The following RHBDF1 variants were observed in gnomAD, a reference collection of about 807,000 sequenced individuals.
RHBDF1 encodes the protein inactive rhomboid protein 1.
RHBDF1 carries 80 observed loss-of-function variants against 98.6 expected under a neutral mutation model. The ratio of observed to expected loss-of-function variants is 0.81; its 90% CI spans 0.68 to 0.98. The LOEUF (loss-of-function observed/expected upper bound fraction) is 0.98. RHBDF1 is among the 50% of genes least tolerant of loss of function. The probability of loss-of-function intolerance (pLI) is 0.00; values close to 1 mark genes in which losing one functional copy is unlikely to be tolerated. For missense variants in RHBDF1, 1,116 were observed against 1,198.3 expected (o/e 0.93, Z 1.01); for synonymous variants, 512 against 486.8 (o/e 1.05, Z -0.68).
Position 58,728 on chromosome 16 carries a change from AG to A in RHBDF1, c.2179del (p.Leu727TrpfsTer200). 3 of 1,612,776 alleles carry A rather than the reference AG, an allele frequency of 1.9e-6. No individual in the cohort carries two copies. Among genetic ancestry groups the A allele is most frequent in the Non-Finnish European group, 2.5e-6 (3 of 1,179,810 alleles). On this transcript the variant is annotated frameshift_variant, in exon 18 of 18. Coordinates refer to ENST00000262316, the MANE Select transcript of RHBDF1 (RefSeq NM_022450.5). LOFTEE classifies it high-confidence loss of function. Reference protein sequence around the residue: ...VGPAGSQFGILACLFVELFQS... With the variant: ...VGPAGSQFGIXACLFVELFQS... ...GAAGAGCTCCACGAAGAGGCAGGCC[AG>A]GATGCCGAACTGGGAGCCAGCAGGA...
chr16:71,897 C>T (rs1897979662), intron 1 of RHBDF1, among the ~76,000 whole-genome samples: 1 of 152,348 alleles, frequency 6.6e-6, no homozygotes, highest in African/African-American at 2.4e-5. Flanking sequence ...GAGAGTCTGT[C>T]TTCGGGAGTC....
intron 1 of RHBDF1, among the ~76,000 whole-genome samples, chr16:71,551 T>C (rs915748537): frequency 1.3e-5 from 2 of 152,178 alleles, no homozygotes; most frequent in Admixed American, 1.3e-4. Context: ...CATCCTTGAA[T>C]CTTCTCCCGG....
chr16:72,148 C>T (rs1897987743), intron 1 of RHBDF1, among the ~76,000 whole-genome samples: 3 of 152,230 alleles, frequency 2.0e-5, no homozygotes, highest in Admixed American at 2.0e-4. Context: ...GGGGCACCCC[C>T]GGACTCTAGA....
chr16:59,228 C>A lies in RHBDF1; in HGVS notation c.1994+21G>T, dbSNP rs574481851. ...TCCTGAGGGCCCTGAGACCCCCGAC[C>A]CGGCCCACAGTGTCACTTGCCCGGC... On this transcript the variant is annotated intron_variant, in intron 16 of 17. Coordinates refer to ENST00000262316, the MANE Select transcript of RHBDF1 (RefSeq NM_022450.5). 1.9e-6 allele frequency: 3 copies of A among 1,591,802 alleles called. No homozygotes were observed. In the African/African-American group the frequency reaches 4.0e-5, roughly 21 times the overall value.
upstream of RHBDF1, among the ~76,000 whole-genome samples, chr16:75,892 GAA>G (rs978075456): frequency 3.3e-5 from 5 of 152,190 alleles, no homozygotes; most frequent in African/African-American, 1.2e-4. Context: ...CCATCAGAGA[GAA>G]GACGGAGCCA....
At chr16:74,395 G>A (rs1008365013), upstream of RHBDF1, among the ~76,000 whole-genome samples, 6 of 152,186 alleles carry the variant, frequency 3.9e-5, no homozygotes, top group African/African-American at 1.2e-4. Context: ...CTCCTGCAGT[G>A]GACTCTGTCA....
At chr16:64,536 C>A in intron 3 of RHBDF1, 163 bp downstream of exon 3, 1 of 1,549,146 alleles carries the variant, frequency 6.5e-7, no homozygotes, top group African/African-American at 1.4e-5. Context: ...TGAGAGCGGT[C>A]AGTATCCAGA....
intron 3 of RHBDF1, 83 bp downstream of exon 3, chr16:64,616 C>T: frequency 6.5e-7 from 1 of 1,546,948 alleles, no homozygotes; most frequent in South Asian, 1.3e-5. Flanking sequence ...GGCCCTTGTT[C>T]TCATTTCCAT....
Position 62,009 on chromosome 16 carries a change from C to A in RHBDF1, c.997G>T (p.Ala333Ser). Residue 333 changes from alanine to serine, a missense_variant, in exon 8 of 18, where the codon GCC becomes TCC. Ala to Ser is a moderately conservative substitution (Grantham distance 99). Coordinates refer to ENST00000262316, the MANE Select transcript of RHBDF1 (RefSeq NM_022450.5). ...CGGAGCCGCACCTTGGGCTGCGGGG[C>A]TGCGGCGCCCTCCTTCTGCTTCCGC... ...GWRKQKEGAA[A>S]PQPKVRLRQE... The A allele has an allele frequency of 6.5e-7, 1 of 1,540,694 alleles. No individual in the cohort carries two copies.
rs1191798529 is a variant in RHBDF1 at position 72,524 on chromosome 16, G to GT, written c.-37_-36insA. 4 of 831,238 alleles carry GT rather than the reference G, an allele frequency of 4.8e-6. No individual in the cohort carries two copies. The highest frequency in any genetic ancestry group is 1.0e-3 in the Admixed American group (1 of 992). The allele number at this position is 831,238 out of a possible 1,614,324, so 51.5% of individuals were successfully genotyped here. ...CCGCGCTCACTCACTGCCGCCGCCG[G>GT]GGGCTCTGGGGGGTCCTGAGGGCGC... is the stretch of plus-strand genomic sequence containing the variant. On this transcript the variant is annotated 5_prime_UTR_variant, in exon 1 of 18. Coordinates refer to ENST00000262316, the MANE Select transcript of RHBDF1 (RefSeq NM_022450.5).
intron 3 of RHBDF1, chr16:64,071 T>A (rs1054142546): frequency 4.7e-6 from 3 of 640,686 alleles, no homozygotes; most frequent in African/African-American, 1.8e-5. Context: ...TGAGGGGCAG[T>A]TGAGGGGAGG....
chr16:62,089 C>G (rs527299346), intron 7 of RHBDF1, 37 bp from the exon 8 acceptor site: 4 of 1,438,248 alleles, frequency 2.8e-6, no homozygotes, highest in Non-Finnish European at 3.6e-6. Context: ...GCCCCAGCCC[C>G]GCAAACTGCT....
In RHBDF1 at chr16:58,974, CT is replaced by C; in HGVS notation, c.2147del (p.Glu716GlyfsTer211). On this transcript the variant is annotated frameshift_variant and splice_region_variant, in exon 17 of 18. Transcript: ENST00000262316. LOFTEE classifies it high-confidence loss of function. ...TCCCCACCCTGAGGGCCAGCCTTAC[CT>C]CTGCTCGGTATGGCAGGAAGATGGC... ...ASAIFLPYRA[E>X]VGPAGSQFGI... is the part of the protein sequence containing the mutation. The C allele has an allele frequency of 6.2e-7, 1 of 1,613,192 alleles. No individual in the cohort carries two copies. Among genetic ancestry groups the C allele is most frequent in the Non-Finnish European group, 8.5e-7 (1 of 1,179,974 alleles).
chr16:73,559 C>G (rs1898031708), upstream of RHBDF1, among the ~76,000 whole-genome samples: 1 of 152,178 alleles, frequency 6.6e-6, no homozygotes, highest in Admixed American at 6.5e-5. Flanking sequence ...ACTGGGTGGG[C>G]TGACCCTCCC....
chr16:71,170 C>T (rs575364877), intron 1 of RHBDF1, among the ~76,000 whole-genome samples: 141 of 152,272 alleles, frequency 9.3e-4, no homozygotes, highest in African/African-American at 3.1e-3. Flanking sequence ...AGGTGGGGAC[C>T]GGCCAGCTCA....
rs760748710 is a variant in RHBDF1 at position 63,610 on chromosome 16, G to A, written c.439C>T (p.Pro147Ser). The change falls in exon 4 of 18, where the codon CCA becomes TCA. Residue 147 changes from proline to serine, a missense_variant. Pro to Ser is a moderately conservative substitution (Grantham distance 74, BLOSUM62 -1). Coordinates refer to ENST00000262316, the MANE Select transcript of RHBDF1 (RefSeq NM_022450.5). ...TETPPPLYVG[P>S]CQLGMQKIID... ...ACCTTCTGCATGCCCAGCTGGCATG[G>A]CCCCACGTAGAGTGGGGGTGGCGTC... The A allele has an allele frequency of 8.3e-6, 13 of 1,572,754 alleles. No homozygotes were observed. The highest frequency in any genetic ancestry group is 1.4e-5 in the African/African-American group (1 of 73,802).
Position 58,787 on chromosome 16 carries a change from G to A in RHBDF1, c.2149-28C>T, listed in dbSNP as rs746549522. Reference sequence around the variant, plus strand: ...GGGGGATGGTTGGGGTAGCTGTAAGGCAGTGGGGCTGGGCAGGCCCCCTGG... The same window carrying A: ...GGGGGATGGTTGGGGTAGCTGTAAGACAGTGGGGCTGGGCAGGCCCCCTGG... On this transcript the variant is annotated intron_variant, in intron 17 of 17. Coordinates refer to ENST00000262316, the MANE Select transcript of RHBDF1 (RefSeq NM_022450.5). 8 of 1,605,348 alleles carry A rather than the reference G, an allele frequency of 5.0e-6. No individual in the cohort carries two copies. In the African/African-American group the frequency reaches 9.4e-5, roughly 19 times the overall value.
At position 61,617 on chromosome 16, in the gene RHBDF1, C is replaced by A. The variant is rs759722658; in HGVS notation, c.1288G>T (p.Val430Leu). ...LAVCIYGIAP[V>L]GFSQHETVDS... ...ACCGTCTCATGCTGCGAGAAGCCCACGGGCGCGATGCCATAGATGCACACG... is the reference window on the plus strand; with the variant it reads ...ACCGTCTCATGCTGCGAGAAGCCCAAGGGCGCGATGCCATAGATGCACACG... Residue 430 changes from valine (V) to leucine (L), a missense_variant, in exon 9 of 18, where the codon GTG becomes TTG. By Grantham distance (32) the Val-to-Leu change is conservative (BLOSUM62 1). Coordinates refer to ENST00000262316, the MANE Select transcript of RHBDF1 (RefSeq NM_022450.5). 1.2e-6 allele frequency: 2 copies of A among 1,613,448 alleles called. No individual in the cohort carries two copies. The highest frequency in any genetic ancestry group is 1.7e-5 in the Admixed American group (1 of 60,030).
chr16:60,107 G>A, intron 13 of RHBDF1, 109 bp downstream of exon 13: 5 of 1,576,890 alleles, frequency 3.2e-6, no homozygotes, highest in Non-Finnish European at 3.4e-6. Flanking sequence ...CTCTGAAAAC[G>A]TGAGGTGGTC....
Sources: allele counts gnomAD v4.1 joint callset (sites outside exome capture counted in the v4.1 genomes callset), GRCh38; gene constraint gnomAD v4.1.1; transcripts MANE v1.5; gene names NCBI Gene and HGNC (gene_info 2026-07-23, HGNC 2026-07-21).